NTM: variants seen among roughly 807,000 people sequenced by gnomAD.
The protein encoded by NTM is neurotrimin.
Under a neutral mutation model 42.1 loss-of-function variants are expected in NTM, and 13 were observed. The observed-to-expected ratio is 0.31, with a 90% CI of 0.20 to 0.49. NTM has a LOEUF of 0.49. Ranked by LOEUF, NTM falls within the 20% of genes least tolerant of loss-of-function variation. NTM has a pLI of 0.99. For synonymous variants in NTM, 187 were observed against 179.2 expected (o/e 1.04, Z -0.35); for missense variants, 373 against 452.8 (o/e 0.82, Z 1.60).
chr11:132,053,740 C>T (rs1007836372), intron 2 of NTM, among the ~76,000 whole-genome samples: 34 of 152,298 alleles, frequency 2.2e-4, no homozygotes, highest in South Asian at 4.1e-4. Context: ...CTTGTTTGTT[C>T]CATCTTGTGT....
intron 1 of NTM, among the ~76,000 whole-genome samples, chr11:131,720,203 G>A (rs997007107): frequency 2.0e-5 from 3 of 152,166 alleles, no homozygotes; most frequent in Non-Finnish European, 4.4e-5. Flanking sequence ...CTTGACATAA[G>A]GTACTGCATT....
At chr11:132,135,817 C>A (rs1165102746) in intron 2 of NTM, among the ~76,000 whole-genome samples, 2 of 152,142 alleles carry the variant, frequency 1.3e-5, no homozygotes, top group African/African-American at 4.8e-5. Context: ...GAGAGAGAGA[C>A]AGGGCAGTGG....
chr11:131,546,646 C>G (rs955229106), intron 1 of NTM: 2 of 152,274 alleles, frequency 1.3e-5, no homozygotes, highest in Non-Finnish European at 2.9e-5. Context: ...GAGAGAGACC[C>G]AGCAGCCTCT....
chr11:131,564,649 C>T (rs942089016), intron 1 of NTM, among the ~76,000 whole-genome samples: 37 of 152,226 alleles, frequency 2.4e-4, no homozygotes, highest in African/African-American at 8.7e-4. Context: ...ATATCCATCA[C>T]CTCCAAGAGT....
At position 132,240,036 on chromosome 11, in the gene NTM, A is replaced by G. The variant is rs376166445; in HGVS notation, c.526+27889A>G. On this transcript the variant is annotated intron_variant, in intron 4 of 8. Coordinates refer to ENST00000683400, the MANE Select transcript of NTM (RefSeq NM_001352005.2). ...CAACCACCCATCCATCCATTCATCC[A>G]TCATCCGTCCATCCCTCCATCCCTC... 4.1e-4 allele frequency among the ~76,000 whole-genome samples: 61 copies of G among 149,372 alleles called. 1 individual carries two copies. Among genetic ancestry groups the G allele is most frequent in the African/African-American group, 1.5e-3 (61 of 41,172 alleles).
At chr11:131,440,040 C>G (rs1949485778) in intron 1 of NTM, among the ~76,000 whole-genome samples, 1 of 132,820 alleles carries the variant, frequency 7.5e-6, no homozygotes, top group African/African-American at 2.8e-5. Context: ...TTTTAATTTT[C>G]TCCTCTTATT....
intron 2 of NTM, among the ~76,000 whole-genome samples, chr11:132,040,850 C>T (rs1049441283): frequency 2.0e-5 from 3 of 152,202 alleles, no homozygotes; most frequent in African/African-American, 7.2e-5. Context: ...GGATTCTCAA[C>T]ATCAGTTCAC....
chr11:132,149,094 C>T (rs530447732), intron 3 of NTM, among the ~76,000 whole-genome samples: 234 of 152,142 alleles, frequency 1.5e-3, no homozygotes, highest in Non-Finnish European at 2.6e-3. Flanking sequence ...TGAGTATTAT[C>T]GACACTTTAA....
In NTM at chr11:131,458,886, T is replaced by C. The variant is rs573429348; in HGVS notation, c.82+87998T>C. ...TTCCGTAGGTTTGTAGTCCAAGCATTTACATTTCTAACAAGGTCCTAATTG... is the reference window on the plus strand; with the variant it reads ...TTCCGTAGGTTTGTAGTCCAAGCATCTACATTTCTAACAAGGTCCTAATTG... On this transcript the variant is annotated intron_variant, in intron 1 of 8. Transcript: ENST00000683400. Among the ~76,000 whole-genome samples the C allele has an allele frequency of 2.0e-5, 3 of 152,340 alleles. No individual in the cohort carries two copies. The South Asian group carries it at 6.2e-4, about 32-fold the overall frequency.
At chr11:132,213,926 G>A in intron 4 of NTM, among the ~76,000 whole-genome samples, 1 of 121,292 alleles carries the variant, frequency 8.2e-6, no homozygotes, top group East Asian at 2.0e-4. Context: ...AGTAGAGACG[G>A]GGTTTCACCG....
chr11:131,672,145 G>A (rs1315789986), intron 1 of NTM, among the ~76,000 whole-genome samples: 1 of 152,226 alleles, frequency 6.6e-6, no homozygotes, highest in Non-Finnish European at 1.5e-5. Flanking sequence ...GGCCTTCTTG[G>A]CAGGTGTGGG....
At chr11:131,832,685 T>C (rs1378683917) in intron 1 of NTM, among the ~76,000 whole-genome samples, 3 of 152,200 alleles carry the variant, frequency 2.0e-5, no homozygotes, top group African/African-American at 7.2e-5. Flanking sequence ...GAAGGCTTTC[T>C]AAGCCTCAGT....
At chr11:131,953,790 G>C (rs1029708152) in intron 2 of NTM, among the ~76,000 whole-genome samples, 1 of 152,154 alleles carries the variant, frequency 6.6e-6, no homozygotes, top group Admixed American at 6.5e-5. Flanking sequence ...AAGCTAAAAA[G>C]AGTTTAAGAA....
At chr11:131,497,711 A>G (rs753186282) in intron 1 of NTM, among the ~76,000 whole-genome samples, 22 of 152,314 alleles carry the variant, frequency 1.4e-4, no homozygotes, top group East Asian at 3.9e-4. Context: ...CTCTCCAAAG[A>G]ACCAATGTAT....
At chr11:131,716,302 A>G (rs1758921727) in intron 1 of NTM, among the ~76,000 whole-genome samples, 1 of 152,158 alleles carries the variant, frequency 6.6e-6, no homozygotes, top group African/African-American at 2.4e-5. Context: ...GAGAGTTAGA[A>G]TTCCTTTCAA....
At chr11:132,057,566 T>C (rs767864483) in intron 2 of NTM, among the ~76,000 whole-genome samples, 1 of 152,192 alleles carries the variant, frequency 6.6e-6, no homozygotes, top group Non-Finnish European at 1.5e-5. Context: ...CACTTCATGT[T>C]CCTCTGAGCT....
At chr11:132,236,891 TCTG>T (rs1480298358) in intron 4 of NTM, among the ~76,000 whole-genome samples, 1 of 152,186 alleles carries the variant, frequency 6.6e-6, no homozygotes, top group Non-Finnish European at 1.5e-5. Context: ...CCACACAGCT[TCTG>T]CTGGTTTTTC....
intron 4 of NTM, among the ~76,000 whole-genome samples, chr11:132,252,394 T>C (rs1413490555): frequency 1.3e-5 from 2 of 152,110 alleles, no homozygotes; most frequent in Admixed American, 1.3e-4. Flanking sequence ...GCTGCAGGAA[T>C]ATCCCATACT....
intron 3 of NTM, among the ~76,000 whole-genome samples, chr11:132,174,187 C>T (rs1400700490): frequency 1.3e-5 from 2 of 152,164 alleles, no homozygotes; most frequent in Non-Finnish European, 2.9e-5. Context: ...TGATGGCATC[C>T]TACATTCTAG....
Sources: allele counts gnomAD v4.1 joint callset (sites outside exome capture counted in the v4.1 genomes callset), GRCh38; gene constraint gnomAD v4.1.1; transcripts MANE v1.5; gene names NCBI Gene and HGNC (gene_info 2026-07-23, HGNC 2026-07-21).